The following ZNF385D variants were observed in gnomAD, a reference collection of about 807,000 sequenced individuals.
The protein encoded by ZNF385D is zinc finger protein 385D.
Under a neutral mutation model 35.8 loss-of-function variants are expected in ZNF385D, and 15 were observed. The ratio of observed to expected loss-of-function variants is 0.42; its 90% CI spans 0.28 to 0.64. ZNF385D has a LOEUF of 0.64. ZNF385D is among the 30% of genes least tolerant of loss of function. ZNF385D has a pLI of 0.23. For synonymous variants in ZNF385D, 212 were observed against 186.8 expected (o/e 1.13, Z -1.10); for missense variants, 474 against 494.6 (o/e 0.96, Z 0.39).
intron 3 of ZNF385D, among the ~76,000 whole-genome samples, chr3:22,066,921 T>C (rs1699991504): frequency 6.6e-6 from 1 of 152,182 alleles, no homozygotes; most frequent in Admixed American, 6.5e-5. Flanking sequence ...ATGCCTATAA[T>C]CAGAAGTACC....
At chr3:21,828,697 G>C (rs1248952918) in intron 3 of ZNF385D, among the ~76,000 whole-genome samples, 2 of 152,202 alleles carry the variant, frequency 1.3e-5, no homozygotes, top group Admixed American at 1.3e-4. Context: ...TACAACCTTA[G>C]TGGCTTAAAA....
chr3:22,202,725 A>C (rs947212303), intron 2 of ZNF385D, among the ~76,000 whole-genome samples: 2 of 152,102 alleles, frequency 1.3e-5, no homozygotes, highest in African/African-American at 4.8e-5. Flanking sequence ...CAGGATATGG[A>C]CAGAGAATCT....
intron 3 of ZNF385D, among the ~76,000 whole-genome samples, chr3:21,985,605 C>CA (rs1278158977): frequency 7.1e-6 from 1 of 141,158 alleles, no homozygotes. Flanking sequence ...CAATGTTCAT[C>CA]AAGGGTATTG....
chr3:22,125,861 G>C (rs1703395768), intron 3 of ZNF385D, among the ~76,000 whole-genome samples: 1 of 152,058 alleles, frequency 6.6e-6, no homozygotes, highest in African/African-American at 2.4e-5. Flanking sequence ...CATCTGCAAA[G>C]AAGGATAATT....
intron 2 of ZNF385D, among the ~76,000 whole-genome samples, chr3:21,593,002 C>T (rs912751935): frequency 7.9e-5 from 12 of 152,176 alleles, no homozygotes; most frequent in African/African-American, 2.9e-4. Context: ...GAAATGACAT[C>T]ATGTGTGGCA....
At chr3:21,901,409 T>C (rs1699406418) in intron 3 of ZNF385D, among the ~76,000 whole-genome samples, 1 of 152,178 alleles carries the variant, frequency 6.6e-6, no homozygotes, top group Non-Finnish European at 1.5e-5. Context: ...ACTAAGAAGC[T>C]TCCTGTCTCT....
intron 1 of ZNF385D, among the ~76,000 whole-genome samples, chr3:21,717,498 A>G (rs2068369996): frequency 2.0e-5 from 3 of 152,172 alleles, no homozygotes. Flanking sequence ...GCCAAAATAC[A>G]AAGCCTCAGC....
At chr3:21,634,580 TTA>T (rs1318075962) in intron 2 of ZNF385D, among the ~76,000 whole-genome samples, 1 of 152,082 alleles carries the variant, frequency 6.6e-6, no homozygotes, top group Non-Finnish European at 1.5e-5. Flanking sequence ...AAATATTTTT[TTA>T]GTCAATAAAA....
intron 2 of ZNF385D, among the ~76,000 whole-genome samples, chr3:22,264,964 C>G (rs1700822799): frequency 6.6e-6 from 1 of 151,870 alleles, no homozygotes; most frequent in Non-Finnish European, 1.5e-5. Flanking sequence ...TCCTCTTGCT[C>G]CAGACTCCTC....
chr3:22,082,520 G>C (rs777197208), intron 3 of ZNF385D, among the ~76,000 whole-genome samples: 2 of 152,184 alleles, frequency 1.3e-5, no homozygotes, highest in Non-Finnish European at 2.9e-5. Context: ...CCATTGCTGA[G>C]GCTTGAGTAG....
intron 3 of ZNF385D, among the ~76,000 whole-genome samples, chr3:21,976,791 G>A (rs923677188): frequency 1.3e-5 from 2 of 152,168 alleles, no homozygotes; most frequent in African/African-American, 2.4e-5. Context: ...AGGAGTTCGA[G>A]AACATCCTGG....
intron 3 of ZNF385D, among the ~76,000 whole-genome samples, chr3:21,885,029 T>C (rs1698470900): frequency 6.6e-6 from 1 of 152,072 alleles, no homozygotes. Context: ...TTGCAGACTA[T>C]ATGGTCCATG....
intron 2 of ZNF385D, among the ~76,000 whole-genome samples, chr3:22,237,181 C>T (rs1699233040): frequency 9.9e-6 from 1 of 100,838 alleles, no homozygotes; most frequent in South Asian, 3.8e-4. Context: ...TCTTTGCCAG[C>T]AATAGTTAAT....
At chr3:21,910,082 T>C (rs541053229) in intron 3 of ZNF385D, among the ~76,000 whole-genome samples, 2 of 116,208 alleles carry the variant, frequency 1.7e-5, no homozygotes, top group Non-Finnish European at 3.7e-5. Flanking sequence ...AAACATATAT[T>C]TTACACACAC....
At chr3:22,022,893 C>T (rs13317689) in intron 3 of ZNF385D, among the ~76,000 whole-genome samples, 1 of 152,016 alleles carries the variant, frequency 6.6e-6, no homozygotes, top group African/African-American at 2.4e-5. Context: ...TCTTTGTATA[C>T]TTATTTAGCA....
At chr3:22,094,339 CAGA>C (rs1471082580) in intron 3 of ZNF385D, among the ~76,000 whole-genome samples, 1 of 94,352 alleles carries the variant, frequency 1.1e-5, no homozygotes, top group East Asian at 3.0e-4. Flanking sequence ...TTTTTTCTTT[CAGA>C]AATGTGCAGG....
At chr3:22,228,690 G>C (rs1201198774) in intron 2 of ZNF385D, among the ~76,000 whole-genome samples, 1 of 152,180 alleles carries the variant, frequency 6.6e-6, no homozygotes, top group Non-Finnish European at 1.5e-5. Context: ...TGTCAAAGGA[G>C]ATTAACATTT....
At chr3:21,697,151 C>A (rs565240668) in intron 1 of ZNF385D, among the ~76,000 whole-genome samples, 1 of 152,216 alleles carries the variant, frequency 6.6e-6, no homozygotes, top group Non-Finnish European at 1.5e-5. Context: ...TCTGCTTCCT[C>A]ATCGTTAAAG....
At chr3:22,083,926 T>A (rs1483203892) in intron 3 of ZNF385D, among the ~76,000 whole-genome samples, 1 of 152,184 alleles carries the variant, frequency 6.6e-6, no homozygotes, top group African/African-American at 2.4e-5. Context: ...GGGGCCAATA[T>A]TCAACATTCT....
Sources: gnomAD v4.1 joint callset for allele counts (sites outside exome capture counted in the v4.1 genomes callset) on GRCh38, gnomAD v4.1.1 for gene constraint, MANE v1.5 for transcripts, NCBI Gene and HGNC (gene_info 2026-07-23, HGNC 2026-07-21) for gene names.